Variants in TPRG1 observed in about 807,000 individuals in gnomAD.
TPRG1 encodes the protein tumor protein p63-regulated gene 1 protein.
A neutral mutation model predicts 29.3 loss-of-function variants in TPRG1; 29 were observed. The observed-to-expected ratio is 0.99, with a 90% CI of 0.74 to 1.35. The LOEUF is 1.35. TPRG1 is among the 40% of genes most tolerant of loss of function. The probability of loss-of-function intolerance (pLI) is 0.00; values close to 1 mark genes in which losing one functional copy is unlikely to be tolerated. For synonymous variants in TPRG1, 130 were observed against 116.8 expected (o/e 1.11, Z -0.73); for missense variants, 327 against 335.0 (o/e 0.98, Z 0.19).
At chr3:189,014,185 G>C (rs1214203783) in intron 3 of TPRG1, among the ~76,000 whole-genome samples, 1 of 152,182 alleles carries the variant, frequency 6.6e-6, no homozygotes, top group African/African-American at 2.4e-5. Flanking sequence ...AGAAGGTGTT[G>C]TAAGGCAGGT....
At chr3:189,162,783 C>T (rs1210838307) in intron 5 of TPRG1, among the ~76,000 whole-genome samples, 1 of 152,120 alleles carries the variant, frequency 6.6e-6, no homozygotes. Flanking sequence ...GGAGAGAGAA[C>T]CAGATCTCTC....
At chr3:189,054,089 T>C (rs1259309704) in intron 4 of TPRG1, among the ~76,000 whole-genome samples, 1 of 152,160 alleles carries the variant, frequency 6.6e-6, no homozygotes, top group Non-Finnish European at 1.5e-5. Context: ...CTCACTAAGC[T>C]TAATCATTTC....
At chr3:189,160,689 A>C (rs1469381221) in intron 5 of TPRG1, among the ~76,000 whole-genome samples, 1 of 152,126 alleles carries the variant, frequency 6.6e-6, no homozygotes, top group Non-Finnish European at 1.5e-5. Context: ...GGAAAGGCAA[A>C]AGCTCAGAGG....
At chr3:189,113,995 A>G (rs1720880949) in intron 1 of TPRG1, among the ~76,000 whole-genome samples, 1 of 152,168 alleles carries the variant, frequency 6.6e-6, no homozygotes, top group South Asian at 2.1e-4. Context: ...TAGAATTGGT[A>G]TTATTTCTTG....
intron 4 of TPRG1, among the ~76,000 whole-genome samples, chr3:189,047,333 T>C (rs1013604550): frequency 2.0e-5 from 3 of 152,210 alleles, no homozygotes; most frequent in Non-Finnish European, 4.4e-5. Flanking sequence ...AAGTGTACAA[T>C]AGCATTATAT....
intron 4 of TPRG1, among the ~76,000 whole-genome samples, chr3:189,239,750 T>A (rs1282733506): frequency 6.6e-6 from 1 of 152,186 alleles, no homozygotes; most frequent in East Asian, 1.9e-4. Flanking sequence ...GCTCTTCTTA[T>A]AAAATGTCTC....
chr3:189,110,307 C>A (rs1309753188), intron 1 of TPRG1, among the ~76,000 whole-genome samples: 1 of 152,156 alleles, frequency 6.6e-6, no homozygotes, highest in East Asian at 1.9e-4. Flanking sequence ...ATAACAGTAT[C>A]TCATTGTGAC....
At chr3:189,039,339 C>T (rs1302254574) in intron 4 of TPRG1, among the ~76,000 whole-genome samples, 2 of 152,290 alleles carry the variant, frequency 1.3e-5, no homozygotes, top group East Asian at 3.9e-4. Flanking sequence ...GGCCCAGGTA[C>T]ACCCTTGTTC....
intron 5 of TPRG1, among the ~76,000 whole-genome samples, chr3:189,163,660 A>G (rs1217967754): frequency 6.6e-6 from 1 of 152,236 alleles, no homozygotes; most frequent in African/African-American, 2.4e-5. Context: ...AATTAAAGAT[A>G]TGACTTTACA....
intron 3 of TPRG1, among the ~76,000 whole-genome samples, chr3:189,006,972 G>A (rs1712323062): frequency 6.6e-6 from 1 of 152,046 alleles, no homozygotes; most frequent in Non-Finnish European, 1.5e-5. Flanking sequence ...TTACCATTCA[G>A]GACATAGGCA....
intron 4 of TPRG1, among the ~76,000 whole-genome samples, chr3:189,243,107 T>C (rs1211588834): frequency 6.6e-6 from 1 of 152,176 alleles, no homozygotes; most frequent in African/African-American, 2.4e-5. Flanking sequence ...TAAGTTTAAT[T>C]GGCTTATAGT....
In TPRG1 at chr3:189,121,917, C is replaced by T. The variant is rs147280858; in HGVS notation, c.-743-5140C>T. ...AAAAGATATTTGGCCTTATATCATGCAGGATCTTGTAATTGCCTTTGAGAG... is the reference window on the plus strand; with the variant it reads ...AAAAGATATTTGGCCTTATATCATGTAGGATCTTGTAATTGCCTTTGAGAG... On this transcript the variant is annotated intron_variant, in intron 1 of 6. Transcript: ENST00000412373. The T allele has an allele frequency of 5.3e-5, 8 of 151,838 alleles. No homozygotes were observed. In the East Asian group the frequency reaches 1.4e-3, roughly 26 times the overall value. The allele number at this position is 151,838 out of a possible 1,614,324, so 9.4% of individuals were successfully genotyped here.
At chr3:189,027,388 G>T (rs1376011407) in intron 4 of TPRG1, among the ~76,000 whole-genome samples, 3 of 152,140 alleles carry the variant, frequency 2.0e-5, no homozygotes, top group African/African-American at 7.2e-5. Context: ...TTTACATCTG[G>T]ACTAAGTAAG....
intron 3 of TPRG1, among the ~76,000 whole-genome samples, chr3:189,219,292 CAAAG>C (rs760861695): frequency 6.6e-6 from 1 of 151,922 alleles, no homozygotes; most frequent in Non-Finnish European, 1.5e-5. Context: ...GAAGAGAAGA[CAAAG>C]AAAATAAACA....
chr3:189,041,277 C>A (rs887541382), intron 4 of TPRG1, among the ~76,000 whole-genome samples: 1 of 152,160 alleles, frequency 6.6e-6, no homozygotes, highest in Non-Finnish European at 1.5e-5. Flanking sequence ...CATTGCATTC[C>A]TTAAACTCAC....
intron 4 of TPRG1, among the ~76,000 whole-genome samples, chr3:189,077,252 G>A (rs539273544): frequency 4.9e-4 from 75 of 152,122 alleles, no homozygotes; most frequent in Middle Eastern, 3.4e-3. Context: ...TTAATTCAAC[G>A]TCATATTACT....
chr3:189,051,372 G>T (rs939797995), intron 4 of TPRG1, among the ~76,000 whole-genome samples: 2 of 151,974 alleles, frequency 1.3e-5, no homozygotes, highest in African/African-American at 4.8e-5. Flanking sequence ...AACCACCTTA[G>T]GAATATACAT....
chr3:189,187,455 G>A lies in TPRG1; in HGVS notation c.-10+15324G>A, dbSNP rs955503837. On this transcript the variant is annotated intron_variant, in intron 1 of 5. Transcript: ENST00000345063. Reference sequence around the variant, plus strand: ...CTGAGTACCTGGGATTACAGACCCCGCCACCACGCTCAGCTGATTTTTATT... The same window carrying A: ...CTGAGTACCTGGGATTACAGACCCCACCACCACGCTCAGCTGATTTTTATT... 4.7e-5 allele frequency among the ~76,000 whole-genome samples: 7 copies of A among 149,396 alleles called. No homozygotes were observed. The South Asian group carries it at 6.5e-4, about 14-fold the overall frequency.
intron 4 of TPRG1, among the ~76,000 whole-genome samples, chr3:189,276,977 T>G (rs576173911): frequency 9.8e-5 from 15 of 152,298 alleles, no homozygotes; most frequent in African/African-American, 3.6e-4. Context: ...CATAGTAGCC[T>G]CCTCTCTTTG....
Sources: allele counts gnomAD v4.1 joint callset (sites outside exome capture counted in the v4.1 genomes callset), GRCh38; gene constraint gnomAD v4.1.1; transcripts MANE v1.5; gene names NCBI Gene and HGNC (gene_info 2026-07-23, HGNC 2026-07-21).